The following GAS7 variants were observed in gnomAD, a reference collection of about 807,000 sequenced individuals.
The protein encoded by GAS7 is growth arrest specific 7.
GAS7 carries 28 observed loss-of-function variants against 71.1 expected under a neutral mutation model. That is an observed-to-expected ratio of 0.39 (90% CI 0.29 to 0.54). The LOEUF (loss-of-function observed/expected upper bound fraction) is 0.54, where lower values mean the gene tolerates loss of function less well. GAS7 is among the 20% of genes least tolerant of loss of function. The pLI, the probability that GAS7 is intolerant of heterozygous loss-of-function variation, is 0.62. For missense variants in GAS7, 436 were observed against 627.8 expected (o/e 0.69, Z 3.27); for synonymous variants, 258 against 245.8 (o/e 1.05, Z -0.46).
intron 7 of GAS7, 113 bp from the exon 8 acceptor site, chr17:9,940,313 T>C (rs1230118630): frequency 1.3e-6 from 1 of 768,224 alleles, no homozygotes; most frequent in Non-Finnish European, 2.4e-6. Flanking sequence ...CCATAAGCTC[T>C]GAGACCACAT....
chr17:10,109,491 G>C (rs2073790002), intron 1 of GAS7, among the ~76,000 whole-genome samples: 1 of 152,198 alleles, frequency 6.6e-6, no homozygotes. Context: ...GTACACTACT[G>C]GTGGGAATGC....
chr17:9,983,276 A>C (rs550622782), intron 2 of GAS7, among the ~76,000 whole-genome samples: 40 of 152,278 alleles, frequency 2.6e-4, no homozygotes, highest in South Asian at 6.2e-4. Flanking sequence ...GAATTGCTTA[A>C]ACTCAGGAGT....
intron 8 of GAS7, among the ~76,000 whole-genome samples, chr17:9,937,481 A>G (rs894045339): frequency 6.6e-6 from 1 of 152,184 alleles, no homozygotes; most frequent in Non-Finnish European, 1.5e-5. Flanking sequence ...TCCTGCCCCT[A>G]TCTCAGGCCC....
chr17:10,075,201 C>T (rs1314840930), intron 1 of GAS7, among the ~76,000 whole-genome samples: 1 of 151,726 alleles, frequency 6.6e-6, no homozygotes, highest in Non-Finnish European at 1.5e-5. Context: ...ACTAAAAATA[C>T]AAAAATTAGC....
intron 1 of GAS7, among the ~76,000 whole-genome samples, chr17:10,036,258 G>A (rs1409557161): frequency 1.4e-4 from 21 of 151,088 alleles, no homozygotes; most frequent in Admixed American, 1.4e-3. Flanking sequence ...TCATGCCTTG[G>A]ATCTGTGAAA....
At chr17:10,143,286 A>G (rs35220920) in intron 1 of GAS7, among the ~76,000 whole-genome samples, 50,904 of 151,696 alleles carry the variant, frequency 0.34, 9,726 homozygotes, top group Non-Finnish European at 0.42. Flanking sequence ...CACACCTGCA[A>G]TCCCAGCACT....
intron 1 of GAS7, among the ~76,000 whole-genome samples, chr17:10,124,426 A>G (rs2073928945): frequency 1.3e-5 from 2 of 152,168 alleles, no homozygotes; most frequent in South Asian, 4.1e-4. Flanking sequence ...GAACCCAGAC[A>G]TCCTAGGCAC....
At chr17:10,029,446 C>T (rs1226923033) in intron 1 of GAS7, among the ~76,000 whole-genome samples, 2 of 152,168 alleles carry the variant, frequency 1.3e-5, no homozygotes, top group East Asian at 3.9e-4. Context: ...AAGCAGCTTA[C>T]AGAAATGCAT....
chr17:10,198,233 G>A lies in GAS7; in HGVS notation c.158C>T (p.Pro53Leu), dbSNP rs771563923. 6.2e-7 allele frequency: 1 copy of A among 1,607,920 alleles called. No homozygotes were observed. The highest frequency in any genetic ancestry group is 8.5e-7 in the Non-Finnish European group (1 of 1,179,468). The part of the protein sequence containing the change: ...EKEDGLRGWF[P>L]ASYVQLLEKP... ...CTCCAGCAACTGCACGTAGCTCGCC[G>A]GGAACCAGCCACGGAGCCCGTCCTC... The change falls in exon 1 of 14, where the codon CCG (proline) becomes CTG (leucine). Residue 53 changes from proline (P) to leucine (L), a missense_variant. Transcript: ENST00000432992.
chr17:10,019,635 G>A (rs560359036), intron 2 of GAS7, 142 bp downstream of exon 2: 3 of 774,594 alleles, frequency 3.9e-6, no homozygotes, highest in African/African-American at 3.5e-5. Context: ...GGAGGAGTAA[G>A]ACTTTACTGT....
At chr17:10,154,913 TACAC>T (rs57604032) in intron 1 of GAS7, among the ~76,000 whole-genome samples, 12,643 of 141,782 alleles carry the variant, frequency 0.089, 609 homozygotes, top group Admixed American at 0.11. Flanking sequence ...AACCCCAGGC[TACAC>T]ACACACACAC....
At chr17:9,994,758 G>T (rs996225620) in intron 2 of GAS7, among the ~76,000 whole-genome samples, 1 of 151,498 alleles carries the variant, frequency 6.6e-6, no homozygotes, top group Non-Finnish European at 1.5e-5. Flanking sequence ...CAAAATGGGA[G>T]AAAATTTTCA....
chr17:10,092,529 AT>A (rs2073594489), intron 1 of GAS7, among the ~76,000 whole-genome samples: 1 of 152,178 alleles, frequency 6.6e-6, no homozygotes, highest in Non-Finnish European at 1.5e-5. Context: ...GTCCAGGGAT[AT>A]TTTTTCCCCA....
intron 1 of GAS7, among the ~76,000 whole-genome samples, chr17:10,126,898 G>C (rs1176146351): frequency 6.6e-6 from 1 of 152,106 alleles, no homozygotes; most frequent in East Asian, 1.9e-4. Context: ...TAACCTCTTT[G>C]GGTCTCTGTT....
chr17:10,077,536 T>C (rs2073408671), intron 1 of GAS7, among the ~76,000 whole-genome samples: 1 of 152,144 alleles, frequency 6.6e-6, no homozygotes, highest in African/African-American at 2.4e-5. Context: ...AAAGTATCTA[T>C]GAGGTAAAGA....
At chr17:10,022,747 G>A (rs561623498) in intron 1 of GAS7, among the ~76,000 whole-genome samples, 8 of 152,318 alleles carry the variant, frequency 5.3e-5, no homozygotes, top group South Asian at 2.1e-4. Context: ...GTCCGTCTAC[G>A]GCGATACGGA....
chr17:9,925,213 G>C (rs536770492), intron 11 of GAS7, among the ~76,000 whole-genome samples: 1 of 152,270 alleles, frequency 6.6e-6, no homozygotes, highest in South Asian at 2.1e-4. Context: ...CAGGGAGAGA[G>C]TAAGGAGTCC....
chr17:9,940,071 C>T (rs2068546818), intron 8 of GAS7, 55 bp downstream of exon 8: 3 of 980,654 alleles, frequency 3.1e-6, no homozygotes, highest in Non-Finnish European at 5.0e-6. Flanking sequence ...GGCTGATTTC[C>T]CTTCCTCAGT....
At chr17:10,044,773 G>A (rs930157684) in intron 1 of GAS7, among the ~76,000 whole-genome samples, 18 of 152,246 alleles carry the variant, frequency 1.2e-4, no homozygotes, top group African/African-American at 3.4e-4. Context: ...AAGAGTGTCC[G>A]GCCAGGCGCG....
Sources: allele counts gnomAD v4.1 joint callset (sites outside exome capture counted in the v4.1 genomes callset), GRCh38; gene constraint gnomAD v4.1.1; transcripts MANE v1.5; gene names NCBI Gene and HGNC (gene_info 2026-07-23, HGNC 2026-07-21).